Variants in CREB5 observed in about 807,000 individuals in gnomAD.
CREB5 encodes cAMP responsive element binding protein 5, also known as cyclic AMP-responsive element-binding protein 5.
A neutral mutation model predicts 57.1 loss-of-function variants in CREB5; 19 were observed. The observed-to-expected ratio is 0.33, with a 90% CI of 0.23 to 0.49. The LOEUF is 0.49. Among genes scored for constraint, CREB5 ranks in the 20% least tolerant of loss-of-function variants. The pLI is 0.99. For synonymous variants in CREB5, 238 were observed against 238.3 expected, an observed-to-expected ratio of 1.00 and a Z score of 0.01; for missense variants, 579 against 671.6, an observed-to-expected ratio of 0.86 and a Z score of 1.52.
At chr7:28,341,342 T>C (rs1320904928) in intron 1 of CREB5, among the ~76,000 whole-genome samples, 2 of 152,230 alleles carry the variant, frequency 1.3e-5, no homozygotes, top group African/African-American at 4.8e-5. Flanking sequence ...TCATTTCAAC[T>C]CACTGAGATA....
intron 1 of CREB5, among the ~76,000 whole-genome samples, chr7:28,458,198 G>A (rs1790199279): frequency 6.6e-6 from 1 of 152,196 alleles, no homozygotes; most frequent in Non-Finnish European, 1.5e-5. Context: ...ATCTTCCAGT[G>A]CCTAGCAAGA....
chr7:28,514,758 T>C (rs748369767), intron 4 of CREB5, among the ~76,000 whole-genome samples: 19 of 152,320 alleles, frequency 1.2e-4, no homozygotes, highest in Middle Eastern at 3.4e-3. Context: ...GAAGTCTCTG[T>C]CTGATGTCTT....
chr7:28,500,936 G>A (rs1272339217), intron 3 of CREB5, among the ~76,000 whole-genome samples: 1 of 152,096 alleles, frequency 6.6e-6, no homozygotes, highest in East Asian at 1.9e-4. Flanking sequence ...TCTTTATGGA[G>A]CAGAGGGTGG....
chr7:28,329,603 A>G (rs1160639249), intron 1 of CREB5, among the ~76,000 whole-genome samples: 2 of 152,238 alleles, frequency 1.3e-5, no homozygotes, highest in Non-Finnish European at 2.9e-5. Flanking sequence ...TTGCTGGAAT[A>G]TGGTGTGTGA....
intron 4 of CREB5, among the ~76,000 whole-genome samples, chr7:28,562,613 CCT>C (rs1795322797): frequency 6.6e-6 from 1 of 152,304 alleles, no homozygotes; most frequent in Admixed American, 6.5e-5. Context: ...GTGCAAGCTG[CCT>C]CTCTACCTAC....
At chr7:28,497,611 A>G (rs1299409254) in intron 3 of CREB5, among the ~76,000 whole-genome samples, 1 of 152,186 alleles carries the variant, frequency 6.6e-6, no homozygotes. Flanking sequence ...CCTACTTTGC[A>G]TGTTCTTAGG....
chr7:28,500,027 A>G (rs191836121), intron 3 of CREB5, among the ~76,000 whole-genome samples: 73 of 152,336 alleles, frequency 4.8e-4, no homozygotes, highest in African/African-American at 1.7e-3. Flanking sequence ...TTGCCCTTCT[A>G]CAGCCATGTG....
At chr7:28,445,701 G>A (rs563439483) in intron 1 of CREB5, among the ~76,000 whole-genome samples, 184 of 152,038 alleles carry the variant, frequency 1.2e-3, no homozygotes, top group African/African-American at 3.7e-3. Flanking sequence ...ACAGGCGCCC[G>A]CCACCACGCC....
At chr7:28,567,058 A>G (rs1327449949) in intron 4 of CREB5, among the ~76,000 whole-genome samples, 1 of 152,186 alleles carries the variant, frequency 6.6e-6, no homozygotes, top group Non-Finnish European at 1.5e-5. Context: ...GCCGCAGCAT[A>G]AGTCAGTTTT....
At chr7:28,713,938 T>C (rs1476869150) in intron 5 of CREB5, among the ~76,000 whole-genome samples, 3 of 152,154 alleles carry the variant, frequency 2.0e-5, no homozygotes, top group Admixed American at 2.0e-4. Flanking sequence ...ATTTCTTCGA[T>C]ATCTATGGTC....
intron 1 of CREB5, among the ~76,000 whole-genome samples, chr7:28,338,443 A>C (rs1353777539): frequency 2.6e-5 from 4 of 151,966 alleles, no homozygotes; most frequent in Non-Finnish European, 5.9e-5. Context: ...ATGTCATGCC[A>C]CTCTCTCCTG....
At chr7:28,427,879 C>T (rs1302251355) in intron 1 of CREB5, among the ~76,000 whole-genome samples, 1 of 152,144 alleles carries the variant, frequency 6.6e-6, no homozygotes, top group Non-Finnish European at 1.5e-5. Flanking sequence ...TGGATCTTTG[C>T]TCTTTAGTTA....
chr7:28,414,673 CTAAAGA>C (rs1196991259), intron 1 of CREB5, among the ~76,000 whole-genome samples: 1 of 152,012 alleles, frequency 6.6e-6, no homozygotes, highest in Non-Finnish European at 1.5e-5. Context: ...AATGTTTTCA[CTAAAGA>C]ATTATTACAT....
At chr7:28,510,005 G>T (rs1455779856) in intron 4 of CREB5, among the ~76,000 whole-genome samples, 3 of 152,224 alleles carry the variant, frequency 2.0e-5, no homozygotes, top group Admixed American at 1.3e-4. Flanking sequence ...ACACGAGAGG[G>T]CATTGTCTTG....
At chr7:28,657,378 C>T (rs185108841) in intron 5 of CREB5, among the ~76,000 whole-genome samples, 6 of 152,296 alleles carry the variant, frequency 3.9e-5, no homozygotes, top group Non-Finnish European at 7.4e-5. Context: ...GTTCCCCTTG[C>T]TGTTGCAATT....
At chr7:28,781,935 GTT>G (rs36045067) in intron 7 of CREB5, among the ~76,000 whole-genome samples, 2 of 145,002 alleles carry the variant, frequency 1.4e-5, no homozygotes, top group Non-Finnish European at 1.5e-5. Flanking sequence ...AACAATGTGT[GTT>G]TTTTTTTTTT....
At chr7:28,560,825 C>CGCGCGTGTGTGTGTGTGTGTGTGTGT (rs1795083600) in intron 4 of CREB5, among the ~76,000 whole-genome samples, 1 of 37,566 alleles carries the variant, frequency 2.7e-5, no homozygotes, top group African/African-American at 7.2e-5. Flanking sequence ...TGTGTGTGCG[C>CGCGCGTGTGTGTGTGTGTGTGTGTGT]GCGCGCGCGT....
At chr7:28,376,663 C>T (rs991184574) in intron 1 of CREB5, among the ~76,000 whole-genome samples, 3 of 152,158 alleles carry the variant, frequency 2.0e-5, no homozygotes, top group Non-Finnish European at 4.4e-5. Flanking sequence ...CAGTTAAGTG[C>T]GTATGTTAGA....
At chr7:28,710,552 C>G (rs1802351373) in intron 5 of CREB5, among the ~76,000 whole-genome samples, 1 of 152,104 alleles carries the variant, frequency 6.6e-6, no homozygotes, top group Admixed American at 6.6e-5. Flanking sequence ...ACTTAGGAGG[C>G]TGAGGCAGGA....
Sources: allele counts gnomAD v4.1 joint callset (sites outside exome capture counted in the v4.1 genomes callset), GRCh38; gene constraint gnomAD v4.1.1; transcripts MANE v1.5; gene names NCBI Gene and HGNC (gene_info 2026-07-23, HGNC 2026-07-21).